The following PPP6R1 variants were observed in gnomAD, a reference collection of about 807,000 sequenced individuals.
PPP6R1 encodes the protein serine/threonine-protein phosphatase 6 regulatory subunit 1.
In PPP6R1, 39 loss-of-function variants were observed where a neutral mutation model predicts 104.6. The observed-to-expected ratio is 0.37, with a 90% CI of 0.29 to 0.49. The LOEUF is 0.49. PPP6R1 is among the 20% of genes least tolerant of loss of function. The pLI is 0.98. For missense variants in PPP6R1, 1,181 were observed against 1,155.8 expected, an observed-to-expected ratio of 1.02 and a Z score of -0.32; for synonymous variants, 549 against 479.0, an observed-to-expected ratio of 1.15 and a Z score of -1.91.
At position 55,236,720 on chromosome 19, in the gene PPP6R1, C is replaced by T. The variant is rs1201908065; in HGVS notation, c.1911G>A (p.Glu637=). 2 of 1,613,504 alleles carry T rather than the reference C, an allele frequency of 1.2e-6. No homozygotes were observed. Among genetic ancestry groups the T allele is most frequent in the African/African-American group, 1.3e-5 (1 of 75,066 alleles). ...GCCAGGCGCCATCTTCTCCATCAGA[C>T]TCCCCTGAGCCCTGGGCCTCTTCCT... ...EDEEEAQGSG[E]SDGEDGAWQG... The change falls in exon 17 of 24, where the codon GAG becomes GAA. Residue 637 remains glutamate, a synonymous_variant. Coordinates refer to ENST00000412770, the MANE Select transcript of PPP6R1 (RefSeq NM_014931.4).
rs1035692579 is a variant in PPP6R1, at chr19:55,245,978, C to A, written c.228-300G>T. ...AGCAGCTAACACTCATCCCTTTTGC[C>A]TCTCAGCGGCTTCACTTGCAACCCC... On this transcript the variant is annotated intron_variant, in intron 2 of 23. Coordinates refer to ENST00000412770, the MANE Select transcript of PPP6R1 (RefSeq NM_014931.4). The surrounding 1 kb of genome is among the most constrained non-coding windows in gnomAD (Gnocchi z 6.4). Among the ~76,000 whole-genome samples, 2 of 152,156 alleles carry A rather than the reference C, an allele frequency of 1.3e-5. No homozygotes were observed. Among genetic ancestry groups the A allele is most frequent in the African/African-American group, 4.8e-5 (2 of 41,436 alleles).
chr19:55,230,946 C>A, intron 21 of PPP6R1, 62 bp from the exon 22 acceptor site: 1 of 1,361,134 alleles, frequency 7.3e-7, no homozygotes, highest in Non-Finnish European at 1.0e-6. Context: ...CTGACACCCT[C>A]ACATCCCACC....
rs1321663049 is a variant in PPP6R1 at position 55,250,850 on chromosome 19, C to G, written c.-6-3741G>C. Among the ~76,000 whole-genome samples the G allele has an allele frequency of 2.6e-5, 4 of 152,214 alleles. 1 individual carries two copies. Among genetic ancestry groups the G allele is most frequent in the South Asian group, 4.1e-4 (2 of 4,820 alleles). ...CAGGCCCCCCACACTCGACCGCAGG[C>G]GACCCCTGCTCGTTCCCTCTCCCCA... is the stretch of plus-strand genomic sequence containing the variant. On this transcript the variant is annotated intron_variant, in intron 1 of 23. Coordinates refer to ENST00000412770, the MANE Select transcript of PPP6R1 (RefSeq NM_014931.4).
chr19:55,245,730 G>A lies in PPP6R1; in HGVS notation c.228-52C>T. The A allele has an allele frequency of 7.1e-7, 1 of 1,406,456 alleles. No homozygotes were observed. Among genetic ancestry groups the A allele is most frequent in the Non-Finnish European group, 9.8e-7 (1 of 1,025,480 alleles). 87.1% of individuals were successfully genotyped at this position (1,406,456 alleles called of 1,614,324 possible). Reference sequence around the variant, plus strand: ...GGCTCGGGTCGGAGGCCGGGGGCAGGGGGCGGCAAGGCTCCACCCTCTTCT... The same window carrying A: ...GGCTCGGGTCGGAGGCCGGGGGCAGAGGGCGGCAAGGCTCCACCCTCTTCT... On this transcript the variant is annotated intron_variant, in intron 2 of 23. Transcript: ENST00000412770. This position sits in a 1 kb window ranked among gnomAD's most constrained non-coding sequence, Gnocchi z 6.4.
At chr19:55,232,454 C>T (rs1234857890) in intron 17 of PPP6R1, 1 of 483,956 alleles carries the variant, frequency 2.1e-6, no homozygotes, top group African/African-American at 2.0e-5. Context: ...CGTCCGTCGC[C>T]AGTCATCCGT....
At chr19:55,234,878 C>A (rs2087382218) in intron 17 of PPP6R1, among the ~76,000 whole-genome samples, 1 of 152,156 alleles carries the variant, frequency 6.6e-6, no homozygotes, top group Non-Finnish European at 1.5e-5. Context: ...AAAACAGAGA[C>A]AAAACTCATC....
intron 15 of PPP6R1, among the ~76,000 whole-genome samples, chr19:55,238,392 T>TAA (rs1568945327): frequency 6.6e-6 from 1 of 152,160 alleles, no homozygotes; most frequent in Non-Finnish European, 1.5e-5. Flanking sequence ...TGGTGTCCCT[T>TAA]ACGCTGTGCT....
rs2087403258 is a variant in PPP6R1, at chr19:55,236,815, C to T, written c.1816G>A (p.Ala606Thr). 1.9e-6 allele frequency: 3 copies of T among 1,613,776 alleles called. No homozygotes were observed. Among genetic ancestry groups the T allele is most frequent in the South Asian group, 1.1e-5 (1 of 91,046 alleles). Residue 606 changes from alanine to threonine, a missense_variant, in exon 17 of 24, where the codon GCC becomes ACC. Ala to Thr is a moderately conservative substitution (Grantham distance 58). Transcript: ENST00000412770. Reference protein sequence around the residue: ...SLNADDENPNANLLEICYKDR... With the variant: ...SLNADDENPNTNLLEICYKDR... ...TTGTAGCATATCTCAAGTAGGTTGGCGTTGGGCTGCAGGGCACAGGGGTGG... is the reference window on the plus strand; with the variant it reads ...TTGTAGCATATCTCAAGTAGGTTGGTGTTGGGCTGCAGGGCACAGGGGTGG...
At position 55,231,821 on chromosome 19, in the gene PPP6R1, G is replaced by C. The variant is rs547677018; in HGVS notation, c.2287C>G (p.Arg763Gly). Residue 763 changes from arginine (R) to glycine (G), a missense_variant, in exon 19 of 24, where the codon CGT (arginine) becomes GGT (glycine). Transcript: ENST00000412770. ...PTQSLASPPA[R>G]DALQLRSQDP... ...TCTCACCTGAGCTGCAGGGCGTCAC[G>C]GGCAGGAGGGCTGGCCAGGCTCTGA... The C allele has an allele frequency of 6.0e-6, 9 of 1,501,656 alleles. No individual in the cohort carries two copies. The South Asian group carries it at 1.1e-4, about 18-fold the overall frequency. The allele number at this position is 1,501,656 out of a possible 1,614,324, so 93.0% of individuals were successfully genotyped here. A position where few individuals can be genotyped will look rare whatever the true frequency, so the allele number is the denominator to read the frequency against.
chr19:55,252,621 C>T (rs939668634), intron 1 of PPP6R1, among the ~76,000 whole-genome samples: 1 of 151,740 alleles, frequency 6.6e-6, no homozygotes, highest in Non-Finnish European at 1.5e-5. Context: ...AGGCTGGTCT[C>T]GAACTACTGA....
chr19:55,230,697 A>G lies in PPP6R1; in HGVS notation c.2571-13T>C. 6.4e-7 allele frequency: 1 copy of G among 1,572,350 alleles called. No homozygotes were observed. The highest frequency in any genetic ancestry group is 8.6e-7 in the Non-Finnish European group (1 of 1,160,492). On this transcript the variant is annotated splice_polypyrimidine_tract_variant and intron_variant, in intron 22 of 23. Coordinates refer to ENST00000412770, the MANE Select transcript of PPP6R1 (RefSeq NM_014931.4). The stretch of plus-strand genomic sequence containing the variant: ...GAGGGCCTGGGCACTGTCAGGGGAG[A>G]GAGGGGATGTGCAGAGGTCACTTCC...
At position 55,241,571 on chromosome 19, in the gene PPP6R1, C is replaced by T. The variant is rs1455557283; in HGVS notation, c.914G>A (p.Gly305Glu). 6.3e-7 allele frequency: 1 copy of T among 1,583,402 alleles called. No individual in the cohort carries two copies. Residue 305 changes from glycine to glutamate, a missense_variant, in exon 8 of 24, where the codon GGG becomes GAG. Coordinates refer to ENST00000412770, the MANE Select transcript of PPP6R1 (RefSeq NM_014931.4). The surrounding 1 kb of genome is among the most constrained non-coding windows in gnomAD (Gnocchi z 5.4). ...VDGQLELLAQ[G>E]ALESTVSSVG... The stretch of plus-strand genomic sequence containing the variant: ...ACTGGACACAGTGCTTTCCAGGGCC[C>T]CCTGGGCCAGGAGCTCCAGCTGCCC...
chr19:55,231,180 C>T (rs1379240065), intron 21 of PPP6R1, among the ~76,000 whole-genome samples: 1 of 152,138 alleles, frequency 6.6e-6, no homozygotes. Context: ...TTCACACCCT[C>T]CAACGAGCCC....
chr19:55,230,549 T>C lies in PPP6R1; in HGVS notation c.2643-18A>G. The C allele has an allele frequency of 1.2e-6, 2 of 1,613,442 alleles. No homozygotes were observed. The highest frequency in any genetic ancestry group is 1.3e-5 in the African/African-American group (1 of 74,996). ...GCAGCTATCTGGAAACAGAGGGAGA[T>C]GTCGTGTGAGGGTCTAGCAGGCCCA... On this transcript the variant is annotated intron_variant, in intron 23 of 23. Coordinates refer to ENST00000412770, the MANE Select transcript of PPP6R1 (RefSeq NM_014931.4).
At position 55,241,785 on chromosome 19, in the gene PPP6R1, GAC is replaced by G; in HGVS notation, c.846-148_846-147del. The G allele has an allele frequency of 9.4e-7, 1 of 1,069,140 alleles. No homozygotes were observed. The highest frequency in any genetic ancestry group is 1.3e-6 in the Non-Finnish European group (1 of 761,878). 66.2% of individuals were successfully genotyped at this position (1,069,140 alleles called of 1,614,324 possible). On this transcript the variant is annotated intron_variant, in intron 7 of 23. Transcript: ENST00000412770. This position sits in a 1 kb window ranked among gnomAD's most constrained non-coding sequence, Gnocchi z 5.4. ...CGCCGCTCTCTTCTGAGGCCCTTCA[GAC>G]AACACCTGGCTGGGGTGGGGAGCCC...
intron 5 of PPP6R1, 35 bp from the exon 6 acceptor site, chr19:55,242,523 G>T: frequency 6.4e-7 from 1 of 1,557,626 alleles, no homozygotes; most frequent in Non-Finnish European, 8.9e-7. Context: ...GATCCTGGTC[G>T]GGCCACCGGG....
chr19:55,240,370 C>T, intron 10 of PPP6R1, 70 bp from the exon 11 acceptor site: 5 of 1,452,252 alleles, frequency 3.4e-6, no homozygotes, highest in Admixed American at 2.0e-5. Context: ...TGCACTGCAG[C>T]AGGGGTCCCT....
chr19:55,240,530 C>T (rs1212559051), intron 10 of PPP6R1, among the ~76,000 whole-genome samples: 2 of 151,208 alleles, frequency 1.3e-5, no homozygotes. Context: ...CACACACACA[C>T]ACACACACAC....
intron 1 of PPP6R1, among the ~76,000 whole-genome samples, chr19:55,258,146 C>G (rs1207424397): frequency 6.6e-6 from 1 of 152,168 alleles, no homozygotes; most frequent in East Asian, 1.9e-4. Flanking sequence ...AGCTGAGGCT[C>G]AGGGACTGGG....
Sources: allele counts gnomAD v4.1 joint callset (sites outside exome capture counted in the v4.1 genomes callset), GRCh38; gene constraint gnomAD v4.1.1; non-coding constraint Gnocchi (gnomAD v3.1); transcripts MANE v1.5; gene names NCBI Gene and HGNC (gene_info 2026-07-23, HGNC 2026-07-21).